The following FYN variants were observed in gnomAD, a reference collection of about 807,000 sequenced individuals.
The protein encoded by FYN is FYN proto-oncogene, Src family tyrosine kinase.
FYN carries 10 observed loss-of-function variants against 70.2 expected under a neutral mutation model. The ratio of observed to expected loss-of-function variants is 0.14; its 90% CI spans 0.09 to 0.24. FYN has a LOEUF of 0.24. Among genes scored for constraint, FYN ranks in the 10% least tolerant of loss-of-function variants. The probability of loss-of-function intolerance (pLI) is 1.00; values close to 1 mark genes in which losing one functional copy is unlikely to be tolerated. For synonymous variants in FYN, 236 were observed against 248.6 expected (o/e 0.95, Z 0.48); for missense variants, 319 against 673.1 (o/e 0.47, Z 5.82).
intron 3 of FYN, among the ~76,000 whole-genome samples, chr6:111,729,472 C>CAA (rs1343473253): frequency 9.2e-5 from 7 of 75,874 alleles, no homozygotes; most frequent in Non-Finnish European, 1.6e-4. Context: ...GAGACTGCCT[C>CAA]AAAAAAAAAA....
chr6:111,692,904 C>T (rs1799400579), intron 12 of FYN, among the ~76,000 whole-genome samples: 1 of 152,214 alleles, frequency 6.6e-6, no homozygotes, highest in Admixed American at 6.5e-5. Flanking sequence ...CCAATCAAAG[C>T]TGCAGTGCGC....
chr6:111,700,995 AC>A lies in FYN; in HGVS notation c.698-728del, dbSNP rs1460808456. Among the ~76,000 whole-genome samples the A allele has an allele frequency of 2.6e-3, 396 of 151,666 alleles. 2 individuals are homozygous for A. Among genetic ancestry groups the A allele is most frequent in the African/African-American group, 8.9e-3 (367 of 41,106 alleles). ...GATATTTTCCATTAAAAAAAAAAAA[AC>A]AACTTTTTAACAGTCTTCGACGTAT... On this transcript the variant is annotated intron_variant, in intron 8 of 13. Coordinates refer to ENST00000354650, the MANE Select transcript of FYN (RefSeq NM_002037.5).
intron 3 of FYN, among the ~76,000 whole-genome samples, chr6:111,750,466 GAAC>G (rs1429768183): frequency 6.6e-6 from 1 of 152,168 alleles, no homozygotes; most frequent in African/African-American, 2.4e-5. Context: ...ACAACCTGCA[GAAC>G]CACGAGCCAA....
intron 1 of FYN, among the ~76,000 whole-genome samples, chr6:111,861,660 G>C (rs929055145): frequency 6.6e-6 from 1 of 152,186 alleles, no homozygotes; most frequent in Non-Finnish European, 1.5e-5. Flanking sequence ...GAGAGGACTA[G>C]GCAGGGGAAG....
intron 2 of FYN, among the ~76,000 whole-genome samples, chr6:111,832,438 A>G (rs1294974907): frequency 1.3e-5 from 2 of 152,134 alleles, no homozygotes; most frequent in East Asian, 3.8e-4. Flanking sequence ...TATTTGCTTT[A>G]TACGTTCCTT....
At chr6:111,750,456 A>C (rs1484704603) in intron 3 of FYN, among the ~76,000 whole-genome samples, 2 of 152,204 alleles carry the variant, frequency 1.3e-5, no homozygotes. Flanking sequence ...TGCTTCCTGT[A>C]CAACCTGCAG....
intron 1 of FYN, among the ~76,000 whole-genome samples, chr6:111,860,752 G>T (rs751220394): frequency 6.6e-6 from 1 of 152,156 alleles, no homozygotes; most frequent in Non-Finnish European, 1.5e-5. Flanking sequence ...AGTCCTTCCA[G>T]ATTCTTCCCA....
intron 3 of FYN, among the ~76,000 whole-genome samples, chr6:111,747,071 C>T (rs1802259141): frequency 6.6e-6 from 1 of 152,322 alleles, no homozygotes; most frequent in Non-Finnish European, 1.5e-5. Context: ...CAGAAACCTA[C>T]ACATGGCCTG....
At chr6:111,686,077 C>T (rs811470) in intron 12 of FYN, among the ~76,000 whole-genome samples, 24 of 151,724 alleles carry the variant, frequency 1.6e-4, no homozygotes, top group African/African-American at 5.6e-4. Context: ...TTTTAATTTT[C>T]ATCTTTGGCT....
chr6:111,700,422 C>T (rs766081051), intron 8 of FYN, among the ~76,000 whole-genome samples, 154 bp from the exon 9 acceptor site: 22 of 152,138 alleles, frequency 1.4e-4, no homozygotes, highest in Non-Finnish European at 2.8e-4. Context: ...GGAACACTAG[C>T]AGCACACAGC....
At chr6:111,764,262 A>G (rs1383007272) in intron 3 of FYN, among the ~76,000 whole-genome samples, 1 of 151,344 alleles carries the variant, frequency 6.6e-6, no homozygotes, top group Non-Finnish European at 1.5e-5. Flanking sequence ...GAAAGAAAAA[A>G]GAAAAAAGCG....
rs548755454 is a variant in FYN, at chr6:111,791,267, C to T, written c.-81-10632G>A. Among the ~76,000 whole-genome samples the T allele has an allele frequency of 4.0e-4, 61 of 152,046 alleles. 1 individual carries two copies. Among genetic ancestry groups the T allele is most frequent in the African/African-American group, 1.4e-3 (59 of 41,450 alleles). ...GAGCTACACAGTCACCTAACTTATG[C>T]AAAGGTGACAATGAAGTAATAAATG... On this transcript the variant is annotated intron_variant, in intron 2 of 13. Transcript: ENST00000354650.
At chr6:111,810,081 T>A (rs1203653703) in intron 2 of FYN, among the ~76,000 whole-genome samples, 1 of 152,188 alleles carries the variant, frequency 6.6e-6, no homozygotes, top group Non-Finnish European at 1.5e-5. Flanking sequence ...AAGAGGGTAA[T>A]AAAAATTTAG....
Position 111,700,168 on chromosome 6 carries a change from G to A in FYN, c.798C>T (p.Ile266=), listed in dbSNP as rs1413413966. 2 of 1,614,032 alleles carry A rather than the reference G, an allele frequency of 1.2e-6. No homozygotes were observed. Among genetic ancestry groups the A allele is most frequent in the Non-Finnish European group, 1.7e-6 (2 of 1,179,978 alleles). The change falls in exon 9 of 14, where the codon ATC becomes ATT. Residue 266 remains isoleucine, a synonymous_variant. Coordinates refer to ENST00000354650, the MANE Select transcript of FYN (RefSeq NM_002037.5). ...LSVKTKDVWE[I]PRESLQLIKR... ...TGATCAACTGCAGGGATTCTCGAGG[G>A]ATTTCCCAGACATCTTTGGTTTTGA...
intron 4 of FYN, 83 bp from the exon 5 acceptor site, chr6:111,714,526 C>A (rs928571095): frequency 1.7e-5 from 17 of 992,390 alleles, no homozygotes; most frequent in Non-Finnish European, 2.6e-5. Context: ...ACTAAAATCT[C>A]ATTCTCACAA....
chr6:111,737,448 C>T (rs1421536183), intron 3 of FYN, among the ~76,000 whole-genome samples: 5 of 152,278 alleles, frequency 3.3e-5, no homozygotes, highest in South Asian at 4.1e-4. Flanking sequence ...CTCACAGAAC[C>T]CAGGGAAACA....
At chr6:111,710,770 T>G (rs1259889591) in intron 5 of FYN, among the ~76,000 whole-genome samples, 1 of 152,204 alleles carries the variant, frequency 6.6e-6, no homozygotes, top group African/African-American at 2.4e-5. Context: ...ATAGATATAC[T>G]CTATATTCAT....
At chr6:111,853,127 T>C (rs781512878) in intron 1 of FYN, among the ~76,000 whole-genome samples, 10 of 152,276 alleles carry the variant, frequency 6.6e-5, no homozygotes, top group African/African-American at 9.6e-5. Flanking sequence ...TCATCTAATG[T>C]TGATGAAGAC....
chr6:111,727,878 C>T (rs1801263196), intron 3 of FYN, among the ~76,000 whole-genome samples: 2 of 152,078 alleles, frequency 1.3e-5, no homozygotes, highest in East Asian at 3.8e-4. Flanking sequence ...TTCAAATGGC[C>T]CCCAGGCTAA....
Sources: gnomAD v4.1 joint callset for allele counts (sites outside exome capture counted in the v4.1 genomes callset) on GRCh38, gnomAD v4.1.1 for gene constraint, MANE v1.5 for transcripts, NCBI Gene and HGNC (gene_info 2026-07-23, HGNC 2026-07-21) for gene names.